The following PDE4D variants were observed in gnomAD, a reference collection of about 807,000 sequenced individuals.
PDE4D encodes phosphodiesterase 4D.
A neutral mutation model predicts 87.4 loss-of-function variants in PDE4D; 24 were observed. The ratio of observed to expected loss-of-function variants is 0.27; its 90% CI spans 0.20 to 0.39. The LOEUF is 0.39. PDE4D is among the 10% of genes least tolerant of loss of function. PDE4D has a pLI of 1.00. For missense variants in PDE4D, 714 were observed against 1,041.0 expected (o/e 0.69, Z 4.32); for synonymous variants, 384 against 383.2 (o/e 1.00, Z -0.02).
chr5:59,225,212 T>A (rs1753490153), intron 1 of PDE4D, among the ~76,000 whole-genome samples: 1 of 152,206 alleles, frequency 6.6e-6, no homozygotes, highest in South Asian at 2.1e-4. Flanking sequence ...TTCATTCTTT[T>A]GCATGTGAAT....
At chr5:59,801,611 T>C (rs1015317033) in intron 1 of PDE4D, among the ~76,000 whole-genome samples, 6 of 152,228 alleles carry the variant, frequency 3.9e-5, no homozygotes, top group African/African-American at 1.4e-4. Flanking sequence ...ACCAGTGGAA[T>C]AGACACAGAG....
intron 1 of PDE4D, among the ~76,000 whole-genome samples, chr5:59,451,059 C>A (rs1419369657): frequency 6.6e-6 from 1 of 152,202 alleles, no homozygotes; most frequent in Non-Finnish European, 1.5e-5. Context: ...TGTACTTACA[C>A]CTCAACCCAC....
chr5:60,025,477 G>T (rs187638738), intron 2 of PDE4D, among the ~76,000 whole-genome samples: 4 of 152,012 alleles, frequency 2.6e-5, no homozygotes, highest in African/African-American at 4.8e-5. Context: ...AAAGTGTTTT[G>T]CATTTACCAA....
chr5:60,068,809 C>G (rs576935931), intron 2 of PDE4D, among the ~76,000 whole-genome samples: 3 of 152,122 alleles, frequency 2.0e-5, no homozygotes, highest in African/African-American at 7.2e-5. Context: ...ACTATGTTGC[C>G]CAGGCTGGCC....
intron 2 of PDE4D, among the ~76,000 whole-genome samples, chr5:60,006,331 C>T (rs1582144427): frequency 1.3e-5 from 2 of 151,964 alleles, no homozygotes; most frequent in East Asian, 3.9e-4. Flanking sequence ...TGTACTTTTG[C>T]ATATATTTGA....
At chr5:59,705,216 G>A (rs1291621246) in intron 1 of PDE4D, among the ~76,000 whole-genome samples, 1 of 152,068 alleles carries the variant, frequency 6.6e-6, no homozygotes, top group Non-Finnish European at 1.5e-5. Flanking sequence ...GAAGAAGAGA[G>A]GCCAGAAACA....
At chr5:59,606,817 G>A (rs1454976409) in intron 1 of PDE4D, among the ~76,000 whole-genome samples, 1 of 152,038 alleles carries the variant, frequency 6.6e-6, no homozygotes, top group Non-Finnish European at 1.5e-5. Context: ...GAATAGTTAA[G>A]CAAATCACCC....
At chr5:59,018,984 G>GT (rs1274069000) in intron 6 of PDE4D, among the ~76,000 whole-genome samples, 2 of 146,210 alleles carry the variant, frequency 1.4e-5, no homozygotes, top group Non-Finnish European at 3.0e-5. Context: ...CCTGACAACT[G>GT]AAAGCTTATA....
chr5:60,071,165 TA>T (rs1346856723), intron 2 of PDE4D, among the ~76,000 whole-genome samples: 1 of 152,024 alleles, frequency 6.6e-6, no homozygotes, highest in Non-Finnish European at 1.5e-5. Context: ...TTTTTTCTAT[TA>T]TTTTTGAATT....
intron 1 of PDE4D, among the ~76,000 whole-genome samples, chr5:60,403,145 T>C (rs1323990944): frequency 6.6e-6 from 1 of 152,192 alleles, no homozygotes; most frequent in East Asian, 1.9e-4. Flanking sequence ...TCAGAGGTGT[T>C]TCCACTCCAC....
At chr5:59,292,020 T>C (rs925821025) in intron 1 of PDE4D, among the ~76,000 whole-genome samples, 5 of 152,044 alleles carry the variant, frequency 3.3e-5, no homozygotes, top group Non-Finnish European at 1.5e-5. Flanking sequence ...TTGGCAAAAG[T>C]TGCTTTATGG....
At position 59,893,437 on chromosome 5, in the gene PDE4D, TGGC is replaced by T. The variant is rs1459789824; in HGVS notation, c.183_185del (p.Pro63del). The T allele has an allele frequency of 2.0e-6, 3 of 1,488,094 alleles. No homozygotes were observed. The highest frequency in any genetic ancestry group is 5.4e-5 in the East Asian group (2 of 37,076). 92.2% of individuals were successfully genotyped at this position (1,488,094 alleles called of 1,614,324 possible). ...ACTGGGGCTGGGGCTGGGGCGAGGG[TGGC>T]GGCGGCGGGGGCAGGTGGTGATGGG... is the stretch of plus-strand genomic sequence containing the variant. On this transcript the variant is annotated inframe_deletion, in exon 1 of 15. Coordinates refer to ENST00000340635, the MANE Select transcript of PDE4D (RefSeq NM_001104631.2).
intron 5 of PDE4D, 143 bp downstream of exon 5, chr5:59,180,451 TG>T: frequency 1.3e-6 from 1 of 748,228 alleles, no homozygotes; most frequent in Non-Finnish European, 2.4e-6. Context: ...GTGAGATCAA[TG>T]ATAGAAATGA....
intron 1 of PDE4D, among the ~76,000 whole-genome samples, chr5:59,546,389 C>T (rs1200941349): frequency 2.6e-5 from 4 of 152,058 alleles, no homozygotes; most frequent in South Asian, 2.1e-4. Context: ...TGGCATTATT[C>T]GTTGCTGGAA....
upstream of PDE4D, among the ~76,000 whole-genome samples, chr5:59,894,168 C>T (rs114430904): frequency 0.023 from 3,466 of 152,188 alleles, 59 homozygotes; most frequent in Middle Eastern, 0.044. Context: ...TCCTCTTGAT[C>T]CTTCCCCTCG....
chr5:59,181,150 A>C (rs1227315306), intron 4 of PDE4D, among the ~76,000 whole-genome samples: 1 of 152,140 alleles, frequency 6.6e-6, no homozygotes, highest in East Asian at 1.9e-4. Flanking sequence ...ATTGAAAAAC[A>C]CCTCTGATAT....
In PDE4D at chr5:60,015,889, C is replaced by CTT. The variant is rs746017066; in HGVS notation, c.43-27174_43-27173dup. Among the ~76,000 whole-genome samples the CTT allele has an allele frequency of 2.4e-4, 33 of 137,668 alleles. 1 individual carries two copies. The highest frequency in any genetic ancestry group is 7.1e-4 in the African/African-American group (27 of 37,788). 90.3% of individuals were successfully genotyped at this position (137,668 alleles called of 152,430 possible). The stretch of plus-strand genomic sequence containing the variant: ...ACTTCCATGACCAAATGAACCAATT[C>CTT]TTTTTTTTTTTTTTTTGAGACAGAG... On this transcript the variant is annotated intron_variant, in intron 2 of 16. Transcript: ENST00000502484.
At chr5:59,643,761 G>A (rs558641793) in intron 1 of PDE4D, among the ~76,000 whole-genome samples, 3 of 152,224 alleles carry the variant, frequency 2.0e-5, no homozygotes, top group Admixed American at 6.5e-5. Context: ...TATATAATTT[G>A]CATCCAAATG....
At chr5:60,468,134 T>TTTTTTTG (rs1299279714) in intron 1 of PDE4D, among the ~76,000 whole-genome samples, 2 of 133,598 alleles carry the variant, frequency 1.5e-5, no homozygotes, top group African/African-American at 6.2e-5. Flanking sequence ...TTCTTTCTTT[T>TTTTTTTG]TTCTTTTTTT....
Sources: allele counts gnomAD v4.1 joint callset (sites outside exome capture counted in the v4.1 genomes callset), GRCh38; gene constraint gnomAD v4.1.1; transcripts MANE v1.5; gene names NCBI Gene and HGNC (gene_info 2026-07-23, HGNC 2026-07-21).